Variants in RPS24 observed in about 807,000 individuals in gnomAD.
RPS24 encodes ribosomal protein S24.
For missense variants in RPS24, 100 were observed against 162.5 expected (o/e 0.62, Z 2.09); for synonymous variants, 72 against 55.6 (o/e 1.30, Z -1.31).
At chr10:78,037,148 A>G (rs1187350293) in intron 3 of RPS24, 46 bp from the exon 4 acceptor site, 12 of 1,566,830 alleles carry the variant, frequency 7.7e-6, no homozygotes, top group Non-Finnish European at 1.0e-5. Flanking sequence ...GTGGGTAATG[A>G]TTTTAATGTT....
At chr10:78,049,712 C>T (rs1848080848) in intron 4 of RPS24, among the ~76,000 whole-genome samples, 1 of 152,224 alleles carries the variant, frequency 6.6e-6, no homozygotes, top group South Asian at 2.1e-4. Flanking sequence ...AGGTCAGCAT[C>T]TCCTTGACCC....
At chr10:78,043,754 C>A (rs948576873), downstream of RPS24, among the ~76,000 whole-genome samples, 1 of 152,166 alleles carries the variant, frequency 6.6e-6, no homozygotes, top group Non-Finnish European at 1.5e-5. Context: ...CCAAGAAGAT[C>A]AGTGCAGGGA....
chr10:78,056,700 G>A (rs1048971901), exon 5 of RPS24: 2 of 152,230 alleles, frequency 1.3e-5, no homozygotes, highest in African/African-American at 4.8e-5. Context: ...GAGCAGGGCA[G>A]AGCTGAGAGA....
chr10:78,054,989 CCT>C lies in RPS24; in HGVS notation c.854_855del (p.Ser285TrpfsTer89), dbSNP rs1242339253. 6.8e-7 allele frequency: 1 copy of C among 1,476,068 alleles called. No individual in the cohort carries two copies. The highest frequency in any genetic ancestry group is 9.0e-7 in the Non-Finnish European group (1 of 1,109,760). The allele number at this position is 1,476,068 out of a possible 1,614,324, so 91.4% of individuals were successfully genotyped here. ...CCAGCTGCTTCTCCCCACCTTCCTG[CCT>C]CTCTGGTCTGGGCCACTAATGTCAC... On this transcript the variant is annotated frameshift_variant, in exon 5 of 5. Coordinates refer to the RPS24 transcript ENST00000440692. LOFTEE classifies it high-confidence loss of function.
intron 1 of RPS24, chr10:78,034,105 T>A: frequency 4.5e-6 from 2 of 447,144 alleles, no homozygotes; most frequent in East Asian, 6.0e-5. Context: ...CCGGACACGC[T>A]GGGCTTCGGG....
At position 78,033,926 on chromosome 10, in the gene RPS24, C is replaced by T. The variant is rs373681209; in HGVS notation, c.3+22C>T. 9 of 1,613,916 alleles carry T rather than the reference C, an allele frequency of 5.6e-6. No individual in the cohort carries two copies. The African/African-American group carries it at 9.3e-5, about 17-fold the overall frequency. On this transcript the variant is annotated intron_variant, in intron 1 of 5. Coordinates refer to ENST00000372360, the MANE Select transcript of RPS24 (RefSeq NM_033022.4). ...CATGGTGAGTCTCCCTGGGCCCGTG[C>T]AGTCATCTGCCGCGTATCCGAGCCA...
chr10:78,034,194 G>A, intron 1 of RPS24: 1 of 537,268 alleles, frequency 1.9e-6, no homozygotes, highest in Admixed American at 3.2e-5. Flanking sequence ...GGGGGCGGGC[G>A]GGATAGATGG....
chr10:78,055,046 G>A, exon 5 of RPS24: 1 of 1,456,718 alleles, frequency 6.9e-7, no homozygotes, highest in Non-Finnish European at 9.1e-7. Flanking sequence ...CATTTCTGAG[G>A]ATGCTTCATC....
chr10:78,054,892 C>T, exon 5 of RPS24: 1 of 1,542,512 alleles, frequency 6.5e-7, no homozygotes, highest in Admixed American at 2.0e-5. Context: ...TTGTCAGCAA[C>T]CTTGACTCTG....
intron 4 of RPS24, among the ~76,000 whole-genome samples, chr10:78,053,762 G>A (rs569842689): frequency 2.2e-4 from 34 of 152,130 alleles, no homozygotes; most frequent in Non-Finnish European, 4.9e-4. Context: ...GTGTCTCCCA[G>A]CAGGAAGCTC....
At chr10:78,036,700 T>G (rs957510053) in intron 3 of RPS24, among the ~76,000 whole-genome samples, 8 of 152,150 alleles carry the variant, frequency 5.3e-5, no homozygotes, top group Admixed American at 5.2e-4. Flanking sequence ...TTGGAAGTAG[T>G]CTTTGTAAAG....
At chr10:78,047,559 C>G (rs1323908565) in intron 4 of RPS24, among the ~76,000 whole-genome samples, 2 of 152,124 alleles carry the variant, frequency 1.3e-5, no homozygotes, top group Admixed American at 6.6e-5. Context: ...GCCAGATCAA[C>G]TGGAGAGGTC....
At chr10:78,052,391 A>G (rs1267904565) in intron 4 of RPS24, among the ~76,000 whole-genome samples, 3 of 152,192 alleles carry the variant, frequency 2.0e-5, no homozygotes, top group African/African-American at 7.2e-5. Context: ...GAATGTAACA[A>G]TAATACCTTC....
downstream of RPS24, among the ~76,000 whole-genome samples, chr10:78,042,303 T>G (rs1245894084): frequency 6.6e-6 from 1 of 152,220 alleles, no homozygotes; most frequent in Non-Finnish European, 1.5e-5. Flanking sequence ...GCTGCCTGCT[T>G]CTCTTCCATC....
chr10:78,046,298 C>T (rs1589333836), intron 4 of RPS24, among the ~76,000 whole-genome samples: 1 of 151,684 alleles, frequency 6.6e-6, no homozygotes, highest in East Asian at 1.9e-4. Flanking sequence ...TTATTGTTTA[C>T]CATGTGCCAG....
intron 1 of RPS24, among the ~76,000 whole-genome samples, chr10:78,035,029 T>C (rs1242812631): frequency 1.3e-5 from 2 of 152,094 alleles, no homozygotes; most frequent in East Asian, 3.9e-4. Flanking sequence ...AAACATACAG[T>C]CCCCACAACA....
downstream of RPS24, among the ~76,000 whole-genome samples, chr10:78,045,176 C>T (rs752956216): frequency 3.9e-5 from 6 of 152,004 alleles, no homozygotes; most frequent in Non-Finnish European, 5.9e-5. Flanking sequence ...GTAGTAGAGA[C>T]GGAGTTTTTC....
At chr10:78,050,656 C>T (rs1848089922) in intron 4 of RPS24, among the ~76,000 whole-genome samples, 2 of 152,304 alleles carry the variant, frequency 1.3e-5, no homozygotes, top group Middle Eastern at 3.4e-3. Context: ...TGTCACCCAG[C>T]CTGGAGTGCA....
At chr10:78,036,987 C>CA (rs1337333995) in intron 3 of RPS24, among the ~76,000 whole-genome samples, 1 of 152,170 alleles carries the variant, frequency 6.6e-6, no homozygotes, top group African/African-American at 2.4e-5. Flanking sequence ...TTGAGTGGAC[C>CA]ATTTGTTTCC....
Sources: allele counts gnomAD v4.1 joint callset (sites outside exome capture counted in the v4.1 genomes callset), GRCh38; gene constraint gnomAD v4.1.1; transcripts MANE v1.5; gene names NCBI Gene and HGNC (gene_info 2026-07-23, HGNC 2026-07-21).